Variants in ANKRD11 observed in about 807,000 individuals in gnomAD.
ANKRD11 encodes ankyrin repeat domain 11.
A neutral mutation model predicts 195.7 loss-of-function variants in ANKRD11; 17 were observed. The observed-to-expected ratio is 0.09, with a 90% CI of 0.06 to 0.13. ANKRD11 has a LOEUF of 0.13. Among genes scored for constraint, ANKRD11 ranks in the 10% least tolerant of loss-of-function variants. The pLI, the probability that ANKRD11 is intolerant of heterozygous loss-of-function variation, is 1.00. For missense variants in ANKRD11, 3,735 were observed against 3,566.1 expected, an observed-to-expected ratio of 1.05 and a Z score of -1.21; for synonymous variants, 1,953 against 1,528.1, an observed-to-expected ratio of 1.28 and a Z score of -6.49.
Position 89,282,507 on chromosome 16 carries a change from T to C in ANKRD11, c.4035A>G (p.Lys1345=), listed in dbSNP as rs1325670389. Residue 1345 remains lysine (K), a synonymous_variant, in exon 9 of 13, where the codon AAA becomes AAG. Transcript: ENST00000301030. ...AGGAGTGTCTGTGCCTCTCCTTCTC[T>C]TTCAGCTTCTCAGGGAGGCAGGCGC... is the stretch of plus-strand genomic sequence containing the variant. ...RESACLPEKL[K]EKERHRHSSS... 12 of 1,614,010 alleles carry C rather than the reference T, an allele frequency of 7.4e-6. No individual in the cohort carries two copies. Among genetic ancestry groups the C allele is most frequent in the Non-Finnish European group, 9.3e-6 (11 of 1,180,014 alleles).
chr16:89,302,533 G>A (rs543691831), intron 4 of ANKRD11, among the ~76,000 whole-genome samples: 86 of 152,242 alleles, frequency 5.6e-4, no homozygotes, highest in African/African-American at 2.0e-3. Context: ...TTACAGCCGT[G>A]AGCCACCGCG....
At chr16:89,335,140 C>A (rs1372184854) in intron 2 of ANKRD11, among the ~76,000 whole-genome samples, 1 of 152,182 alleles carries the variant, frequency 6.6e-6, no homozygotes, top group African/African-American at 2.4e-5. Context: ...CCTGATGCCC[C>A]ATGTCCGGCC....
At chr16:89,367,418 C>A (rs2039995572) in intron 2 of ANKRD11, among the ~76,000 whole-genome samples, 1 of 152,086 alleles carries the variant, frequency 6.6e-6, no homozygotes. Context: ...CCTTAGCCGG[C>A]AACTCAGGGG....
intron 4 of ANKRD11, among the ~76,000 whole-genome samples, chr16:89,304,412 G>A (rs1250744892): frequency 6.7e-6 from 1 of 149,514 alleles, no homozygotes; most frequent in African/African-American, 2.5e-5. Flanking sequence ...ACACACATGA[G>A]CGCACATATA....
chr16:89,278,711 C>T (rs1175387470), intron 9 of ANKRD11: 3 of 493,734 alleles, frequency 6.1e-6, no homozygotes, highest in Non-Finnish European at 1.2e-5. Flanking sequence ...GCAGGAGACA[C>T]AGGGGGTGGC....
intron 2 of ANKRD11, among the ~76,000 whole-genome samples, chr16:89,350,298 G>C (rs995139413): frequency 6.6e-6 from 1 of 152,178 alleles, no homozygotes; most frequent in Admixed American, 6.5e-5. Flanking sequence ...AAACATTCAT[G>C]TAACATGTGA....
intron 9 of ANKRD11, chr16:89,278,244 G>A (rs1034721597): frequency 1.0e-4 from 36 of 346,462 alleles, no homozygotes; most frequent in African/African-American, 7.7e-4. Flanking sequence ...CGTCACCGAG[G>A]ACAGACGGGT....
chr16:89,486,882 G>A (rs993111700), intron 1 of ANKRD11, among the ~76,000 whole-genome samples: 2 of 151,924 alleles, frequency 1.3e-5, no homozygotes, highest in Non-Finnish European at 2.9e-5. Flanking sequence ...GGTAGGAGGT[G>A]TCTGTAATCC....
chr16:89,407,599 T>C (rs1052741669), intron 2 of ANKRD11, among the ~76,000 whole-genome samples: 5 of 152,238 alleles, frequency 3.3e-5, no homozygotes, highest in African/African-American at 1.2e-4. Flanking sequence ...GGCAGGTGGA[T>C]TGCTTGAGTT....
intron 4 of ANKRD11, among the ~76,000 whole-genome samples, chr16:89,298,651 G>A (rs533898625): frequency 6.6e-6 from 1 of 152,302 alleles, no homozygotes; most frequent in East Asian, 1.9e-4. Flanking sequence ...ACCCCAGCTT[G>A]TCTGTGTTGT....
intron 1 of ANKRD11, among the ~76,000 whole-genome samples, chr16:89,425,661 G>A (rs972613335): frequency 2.0e-5 from 3 of 152,052 alleles, no homozygotes; most frequent in Non-Finnish European, 4.4e-5. Flanking sequence ...ATTTTTTCGG[G>A]CTGGGGGCAG....
At chr16:89,375,778 A>G (rs2040399587) in intron 2 of ANKRD11, among the ~76,000 whole-genome samples, 1 of 151,308 alleles carries the variant, frequency 6.6e-6, no homozygotes, top group Admixed American at 6.6e-5. Flanking sequence ...TAAAAAAAAA[A>G]AAAAAAAAAA....
intron 2 of ANKRD11, chr16:89,372,763 A>C (rs1429286620): frequency 6.6e-6 from 1 of 152,170 alleles, no homozygotes. Flanking sequence ...TTTGTGACTG[A>C]AGATATTCCC....
At chr16:89,289,833 G>C (rs931830618) in intron 6 of ANKRD11, among the ~76,000 whole-genome samples, 1 of 152,190 alleles carries the variant, frequency 6.6e-6, no homozygotes, top group Non-Finnish European at 1.5e-5. Context: ...TTGAGGCCAT[G>C]AGTTCAAACC....
intron 1 of ANKRD11, among the ~76,000 whole-genome samples, chr16:89,426,325 A>G (rs545580528): frequency 2.0e-5 from 3 of 152,290 alleles, no homozygotes; most frequent in Admixed American, 6.5e-5. Context: ...AACAGCCCCA[A>G]TAACACACAG....
chr16:89,331,799 T>C (rs1256159816), intron 2 of ANKRD11, among the ~76,000 whole-genome samples: 1 of 152,200 alleles, frequency 6.6e-6, no homozygotes, highest in Non-Finnish European at 1.5e-5. Context: ...GTGCTATTTT[T>C]ATTTTCATTT....
At position 89,282,535 on chromosome 16, in the gene ANKRD11, T is replaced by C; in HGVS notation, c.4007A>G (p.Glu1336Gly). ...CAGCTTCTCAGGGAGGCAGGCGCTC[T>C]CCCTCGGCTTGTCGTCTCCAGGTGG... is the stretch of plus-strand genomic sequence containing the variant. ...TEPPGDDKPRESACLPEKLKE... is the reference protein window; with the variant it reads ...TEPPGDDKPRGSACLPEKLKE... Residue 1336 changes from glutamate to glycine, a missense_variant, in exon 9 of 13, where the codon GAG becomes GGG. Glu to Gly is a moderately conservative substitution (Grantham distance 98, BLOSUM62 -2). Transcript: ENST00000301030. 1.2e-6 allele frequency: 2 copies of C among 1,614,090 alleles called. No homozygotes were observed. The highest frequency in any genetic ancestry group is 8.5e-7 in the Non-Finnish European group (1 of 1,179,982).
At chr16:89,314,662 A>G (rs890144876) in intron 3 of ANKRD11, among the ~76,000 whole-genome samples, 2 of 152,058 alleles carry the variant, frequency 1.3e-5, no homozygotes, top group Non-Finnish European at 2.9e-5. Context: ...CTCAATAAGC[A>G]TATCTGAGAC....
intron 2 of ANKRD11, among the ~76,000 whole-genome samples, chr16:89,333,488 C>A (rs2038174594): frequency 1.3e-5 from 2 of 152,240 alleles, no homozygotes; most frequent in South Asian, 2.1e-4. Context: ...AGTTTCACTG[C>A]CCCAGGTCCC....
Sources: gnomAD v4.1 joint callset for allele counts (sites outside exome capture counted in the v4.1 genomes callset) on GRCh38, gnomAD v4.1.1 for gene constraint, MANE v1.5 for transcripts, NCBI Gene and HGNC (gene_info 2026-07-23, HGNC 2026-07-21) for gene names.